SLC38A10: variants seen among roughly 807,000 people sequenced by gnomAD.
SLC38A10 encodes Sodium-coupled neutral amino acid transporter 10.
In SLC38A10, 53 loss-of-function variants were observed where a neutral mutation model predicts 81.0. The ratio of observed to expected loss-of-function variants is 0.65; its 90% CI spans 0.53 to 0.82. SLC38A10 has a LOEUF of 0.82. SLC38A10 is among the 40% of genes least tolerant of loss of function. The pLI is 0.00. For synonymous variants in SLC38A10, 665 were observed against 655.3 expected (o/e 1.01, Z -0.23); for missense variants, 1,471 against 1,545.0 (o/e 0.95, Z 0.80).
In SLC38A10 at chr17:81,252,541, C is replaced by T. The variant is rs747626657; in HGVS notation, c.1599G>A (p.Gly533=). The change falls in exon 13 of 16, where the codon GGG becomes GGA. Residue 533 remains glycine, a synonymous_variant. Transcript: ENST00000374759. ...PSRHAGGKAP[G]VQGQMAPPLP... is the part of the protein sequence containing the mutation. ...GAGGCGGCGCCATCTGGCCCTGGACCCCTGGAGCCTTTCCGCCCGCGTGTC... is the reference window on the plus strand; with the variant it reads ...GAGGCGGCGCCATCTGGCCCTGGACTCCTGGAGCCTTTCCGCCCGCGTGTC... 2 of 1,613,308 alleles carry T rather than the reference C, an allele frequency of 1.2e-6. No individual in the cohort carries two copies. Among genetic ancestry groups the T allele is most frequent in the African/African-American group, 1.3e-5 (1 of 74,950 alleles).
At chr17:81,250,619 G>A (rs973406681) in intron 14 of SLC38A10, among the ~76,000 whole-genome samples, 2 of 152,258 alleles carry the variant, frequency 1.3e-5, no homozygotes, top group Non-Finnish European at 2.9e-5. Flanking sequence ...GGCACACGTG[G>A]ACCCCGCATG....
In SLC38A10 at chr17:81,246,275, G is replaced by A. The variant is rs1262807142; in HGVS notation, c.2641C>T (p.Gln881Ter). 5.0e-6 allele frequency: 8 copies of A among 1,612,438 alleles called. No individual in the cohort carries two copies. The highest frequency in any genetic ancestry group is 5.9e-6 in the Non-Finnish European group (7 of 1,179,920). The change falls in exon 16 of 16, where the codon CAA (glutamine) becomes TAA (stop). Residue 881 changes from glutamine to a stop codon, truncating the protein, a stop_gained. Transcript: ENST00000374759. LOFTEE classifies it low-confidence loss of function (END_TRUNC). ...GAACCGCCAGTAACGTCCTGACTTT[G>A]CCCAGGGAATTCCTCTGCGAGGCGC... Reference protein sequence around the residue: ...EERLAEEFPGQSQDVTGGSQD... With the variant: ...EERLAEEFPG
At chr17:81,268,734 A>G (rs750882692) in intron 10 of SLC38A10, among the ~76,000 whole-genome samples, 2 of 152,196 alleles carry the variant, frequency 1.3e-5, no homozygotes, top group Non-Finnish European at 2.9e-5. Flanking sequence ...AAGTAAAAGC[A>G]AAAACAGAAA....
intron 3 of SLC38A10, among the ~76,000 whole-genome samples, chr17:81,284,201 T>C (rs567086227): frequency 1.3e-3 from 191 of 151,800 alleles, no homozygotes; most frequent in Admixed American, 3.2e-3. Context: ...CTACTAAAAA[T>C]ACAAAAATTA....
chr17:81,278,426 T>C (rs183714561), intron 6 of SLC38A10, among the ~76,000 whole-genome samples: 6 of 152,134 alleles, frequency 3.9e-5, no homozygotes, highest in Non-Finnish European at 1.5e-5. Context: ...GAGAAGGTCC[T>C]GCCAGCAGCT....
At chr17:81,266,100 T>C (rs1437015169) in intron 10 of SLC38A10, among the ~76,000 whole-genome samples, 1 of 152,134 alleles carries the variant, frequency 6.6e-6, no homozygotes, top group Non-Finnish European at 1.5e-5. Context: ...CCAGAGTCAG[T>C]GACGCGCCAG....
chr17:81,245,711 C>CA lies in SLC38A10; in HGVS notation c.3204dup (p.Gly1069TrpfsTer7). On this transcript the variant is annotated frameshift_variant, in exon 16 of 16. Coordinates refer to ENST00000374759, the MANE Select transcript of SLC38A10 (RefSeq NM_001037984.3). LOFTEE classifies it low-confidence loss of function (END_TRUNC). ...AGGGGGTTAAGGCCAATGATGACCCCATCCCTCGGGGCCAGCTGACCCTCT... is the reference window on the plus strand; with the variant it reads ...AGGGGGTTAAGGCCAATGATGACCCCAATCCCTCGGGGCCAGCTGACCCTCT... 6.2e-7 allele frequency: 1 copy of CA among 1,602,244 alleles called. No individual in the cohort carries two copies. The highest frequency in any genetic ancestry group is 8.5e-7 in the Non-Finnish European group (1 of 1,172,016).
intron 9 of SLC38A10, 102 bp downstream of exon 9, chr17:81,272,414 G>T: frequency 1.6e-6 from 1 of 611,260 alleles, no homozygotes; most frequent in South Asian, 3.0e-5. Flanking sequence ...TAAGAGACCA[G>T]AGAAGATGGT....
At position 81,252,567 on chromosome 17, in the gene SLC38A10, T is replaced by G. The variant is rs761056551; in HGVS notation, c.1573A>C (p.Arg525=). ...CCTGGAGCCTTTCCGCCCGCGTGTC[T>G]GGATGGAGGTTTGTTCTCTTCTGGC... The part of the protein sequence containing the change: ...EVPEENKPPS[R]HAGGKAPGVQ... The change falls in exon 13 of 16, where the codon AGA becomes CGA. Residue 525 remains arginine (R), a synonymous_variant. Transcript: ENST00000374759. 4.3e-6 allele frequency: 7 copies of G among 1,613,500 alleles called. No homozygotes were observed. The highest frequency in any genetic ancestry group is 5.9e-6 in the Non-Finnish European group (7 of 1,180,034).
intron 12 of SLC38A10, 112 bp from the exon 13 acceptor site, chr17:81,252,795 C>T: frequency 7.0e-7 from 1 of 1,433,756 alleles, no homozygotes; most frequent in East Asian, 2.4e-5. Context: ...GTGACACAGG[C>T]CAACAGATAC....
chr17:81,278,317 G>A (rs2063180152), intron 6 of SLC38A10, among the ~76,000 whole-genome samples: 2 of 152,150 alleles, frequency 1.3e-5, no homozygotes, highest in Admixed American at 1.3e-4. Context: ...CCGGGAGGTC[G>A]AGGCTACAGT....
chr17:81,248,370 G>C (rs546885297), intron 14 of SLC38A10, among the ~76,000 whole-genome samples: 1 of 152,220 alleles, frequency 6.6e-6, no homozygotes, highest in Non-Finnish European at 1.5e-5. Flanking sequence ...GGCAGGTCCT[G>C]CGTGATGGGG....
At chr17:81,280,773 A>G (rs2146943327) in intron 5 of SLC38A10, 40 bp from the exon 6 acceptor site, 2 of 1,577,806 alleles carry the variant, frequency 1.3e-6, no homozygotes, top group Non-Finnish European at 1.7e-6. Flanking sequence ...GCAGGTCAGG[A>G]CGCAGGCGGG....
intron 11 of SLC38A10, among the ~76,000 whole-genome samples, chr17:81,254,018 C>T (rs1190381857): frequency 6.6e-6 from 1 of 152,194 alleles, no homozygotes; most frequent in Non-Finnish European, 1.5e-5. Flanking sequence ...TAATCATCAC[C>T]TACATCACCG....
At chr17:81,272,016 T>C (rs908949768) in intron 9 of SLC38A10, among the ~76,000 whole-genome samples, 1 of 151,858 alleles carries the variant, frequency 6.6e-6, no homozygotes, top group Non-Finnish European at 1.5e-5. Context: ...CGTGAGCCAC[T>C]GCGCCCAGCA....
At chr17:81,280,028 C>T (rs1305343066) in intron 6 of SLC38A10, 5 of 391,278 alleles carry the variant, frequency 1.3e-5, no homozygotes, top group South Asian at 3.6e-5. Context: ...TTCCCGTCTG[C>T]GCCGGATTTA....
Position 81,260,386 on chromosome 17 carries a change from C to T in SLC38A10, c.1140G>A (p.Leu380=), listed in dbSNP as rs762429955. 7 of 1,611,076 alleles carry T rather than the reference C, an allele frequency of 4.3e-6. No homozygotes were observed. Among genetic ancestry groups the T allele is most frequent in the Non-Finnish European group, 5.9e-6 (7 of 1,179,220 alleles). The change falls in exon 11 of 16, where the codon CTG becomes CTA. Residue 380 remains leucine (L), a synonymous_variant. Transcript: ENST00000374759. ...CCACCAGGACGCCCAGGCCGACCCA[C>T]AGCACCACCTGAGGAGACAAAGACC... is the stretch of plus-strand genomic sequence containing the variant. ...HKNALSSQVV[L]WVGLGVLVVS... is the part of the protein sequence containing the mutation.
intron 3 of SLC38A10, among the ~76,000 whole-genome samples, chr17:81,284,186 T>C (rs1421583104): frequency 6.6e-6 from 1 of 151,820 alleles, no homozygotes; most frequent in Non-Finnish European, 1.5e-5. Flanking sequence ...GGCAAAACCC[T>C]GTCTCTACTA....
Position 81,245,361 on chromosome 17 carries a change from G to A in SLC38A10, c.*195C>T, listed in dbSNP as rs1383943016. The A allele has an allele frequency of 1.0e-5, 7 of 669,650 alleles. No homozygotes were observed. The highest frequency in any genetic ancestry group is 6.8e-5 in the Admixed American group (2 of 29,570). The allele number at this position is 669,650 out of a possible 1,614,324, so 41.5% of individuals were successfully genotyped here. ...CTCAGACTAAGAGCTGCAACAGAAC[G>A]ACAGCAAGAACATTCTGGAAACGAT... On this transcript the variant is annotated 3_prime_UTR_variant, in exon 16 of 16. Transcript: ENST00000374759.
Sources: gnomAD v4.1 joint callset for allele counts (sites outside exome capture counted in the v4.1 genomes callset) on GRCh38, gnomAD v4.1.1 for gene constraint, MANE v1.5 for transcripts, NCBI Gene and HGNC (gene_info 2026-07-23, HGNC 2026-07-21) for gene names.